The following NLRP7 variants were observed in gnomAD, a reference collection of about 807,000 sequenced individuals.
NLRP7 encodes NACHT, LRR and PYD domains-containing protein 7.
NLRP7 carries 72 observed loss-of-function variants against 85.5 expected under a neutral mutation model. That is an observed-to-expected ratio of 0.84 (90% CI 0.70 to 1.02). The LOEUF (loss-of-function observed/expected upper bound fraction) is 1.02, where lower values mean the gene tolerates loss of function less well. Among genes scored for constraint, NLRP7 ranks in the 50% least tolerant of loss-of-function variants. The pLI, the probability that NLRP7 is intolerant of heterozygous loss-of-function variation, is 0.00. For synonymous variants in NLRP7, 550 were observed against 505.2 expected (o/e 1.09, Z -1.19); for missense variants, 1,243 against 1,219.5 (o/e 1.02, Z -0.29).
chr19:54,953,932 G>A (rs887784882), intron 1 of NLRP7, among the ~76,000 whole-genome samples: 18 of 151,724 alleles, frequency 1.2e-4, no homozygotes, highest in African/African-American at 4.1e-4. Flanking sequence ...GCGTGAACCC[G>A]GGTGATGGAG....
chr19:54,941,403 A>AAAG, intron 2 of NLRP7, 32 bp downstream of exon 2: 1 of 1,386,552 alleles, frequency 7.2e-7, no homozygotes, highest in African/African-American at 1.5e-5. Flanking sequence ...AAAAAAAAAA[A>AAAG]AAATGACCAG....
upstream of NLRP7, among the ~76,000 whole-genome samples, chr19:54,950,889 G>C (rs573087185): frequency 1.6e-4 from 24 of 152,310 alleles, no homozygotes; most frequent in East Asian, 4.4e-3. Flanking sequence ...CATATTTCAG[G>C]CTATCACATG....
intron 9 of NLRP7, among the ~76,000 whole-genome samples, 193 bp downstream of exon 10, chr19:54,927,412 G>T (rs1313734358): frequency 6.6e-6 from 1 of 150,540 alleles, no homozygotes; most frequent in Non-Finnish European, 1.5e-5. Flanking sequence ...AAAAAAATTA[G>T]CTGGACATGT....
upstream of NLRP7, among the ~76,000 whole-genome samples, chr19:54,952,059 AC>A (rs1337373432): frequency 6.6e-6 from 1 of 152,058 alleles, no homozygotes; most frequent in Non-Finnish European, 1.5e-5. Flanking sequence ...GCCCCATTAG[AC>A]AAATTTGTAT....
chr19:54,933,173 T>G (rs995535996), intron 8 of NLRP7, among the ~76,000 whole-genome samples: 1 of 151,818 alleles, frequency 6.6e-6, no homozygotes, highest in Non-Finnish European at 1.5e-5. Context: ...TGAGAAGGAG[T>G]CTTGTTCTGT....
chr19:54,959,131 TTTTC>T (rs2069949821), intron 1 of NLRP7, among the ~76,000 whole-genome samples: 3 of 150,414 alleles, frequency 2.0e-5, no homozygotes, highest in African/African-American at 2.4e-5. Context: ...TTCCTTGTTT[TTTTC>T]TTTTTCTTTT....
chr19:54,927,920 C>A, intron 9 of NLRP7, 145 bp from the exon 10 acceptor site: 1 of 744,160 alleles, frequency 1.3e-6, no homozygotes, highest in Non-Finnish European at 2.4e-6. Context: ...GGTCAAACCC[C>A]ATCTCTACTA....
rs1246578265 is a variant in NLRP7 at position 54,934,604 on chromosome 19, T to C, written c.2356A>G (p.Lys786Glu). The change falls in exon 7 of 10, where the codon AAA becomes GAA. Residue 786 changes from lysine to glutamate, a missense_variant. Transcript: ENST00000340844. The surrounding 1 kb of genome is among the most constrained non-coding windows in gnomAD (Gnocchi z 6.7). ...AGGTGCTTCAGGGACTGGTTGGCTTTGAGGACATAGAAGAATTCAGCCCAC... is the reference window on the plus strand; with the variant it reads ...AGGTGCTTCAGGGACTGGTTGGCTTCGAGGACATAGAAGAATTCAGCCCAC... 5 of 1,613,992 alleles carry C rather than the reference T, an allele frequency of 3.1e-6. No individual in the cohort carries two copies. Among genetic ancestry groups the C allele is most frequent in the Non-Finnish European group, 4.2e-6 (5 of 1,180,008 alleles).
intron 1 of NLRP7, among the ~76,000 whole-genome samples, chr19:54,943,008 G>A (rs2069299930): frequency 1.3e-5 from 2 of 152,030 alleles, no homozygotes; most frequent in South Asian, 4.2e-4. Context: ...CTAGCCAAGT[G>A]TAGTGGTAGG....
intron 2 of NLRP7, 56 bp from the exon 3 acceptor site, chr19:54,941,061 C>T: frequency 8.0e-7 from 1 of 1,251,924 alleles, no homozygotes; most frequent in Non-Finnish European, 1.2e-6. Flanking sequence ...GTAAATCAGA[C>T]ATTATTGTAC....
At chr19:54,946,336 C>T (rs1463816852) in intron 1 of NLRP7, among the ~76,000 whole-genome samples, 8 of 151,324 alleles carry the variant, frequency 5.3e-5, no homozygotes, top group Admixed American at 2.0e-4. Flanking sequence ...CTCAGCCTCC[C>T]GAGTAGCTGG....
intron 1 of NLRP7, among the ~76,000 whole-genome samples, chr19:54,942,249 C>A (rs1462481065): frequency 8.6e-6 from 1 of 116,220 alleles, no homozygotes; most frequent in Non-Finnish European, 1.7e-5. Flanking sequence ...GAGCGAGACT[C>A]CGTCTCAAAA....
chr19:54,933,521 C>T (rs375851195), intron 8 of NLRP7, 48 bp downstream of exon 8: 1 of 1,601,688 alleles, frequency 6.2e-7, no homozygotes, highest in South Asian at 1.1e-5. Flanking sequence ...TCATGTCTCT[C>T]CTGCTTGAAT....
upstream of NLRP7, among the ~76,000 whole-genome samples, chr19:54,952,356 G>A (rs756134366): frequency 6.6e-6 from 1 of 151,952 alleles, no homozygotes; most frequent in Non-Finnish European, 1.5e-5. Flanking sequence ...ACTTTGGGAG[G>A]CCAAGGCAGG....
intron 1 of NLRP7, among the ~76,000 whole-genome samples, chr19:54,962,550 C>T (rs905774764): frequency 1.3e-5 from 2 of 151,564 alleles, no homozygotes; most frequent in African/African-American, 2.4e-5. Context: ...GGATTACAGG[C>T]ATGAATCACC....
chr19:54,953,875 C>T (rs1384445305), intron 1 of NLRP7, among the ~76,000 whole-genome samples: 2 of 151,096 alleles, frequency 1.3e-5, no homozygotes, highest in African/African-American at 4.9e-5. Flanking sequence ...GGCGTGGTGG[C>T]GGGCGCCTGT....
upstream of NLRP7, among the ~76,000 whole-genome samples, chr19:54,949,427 A>C (rs1449243858): frequency 2.0e-5 from 3 of 152,142 alleles, no homozygotes; most frequent in Admixed American, 1.3e-4. Context: ...AAAGAAAATA[A>C]AAACAATAAA....
intron 1 of NLRP7, among the ~76,000 whole-genome samples, chr19:54,943,505 G>A (rs867799803): frequency 4.0e-5 from 6 of 151,576 alleles, no homozygotes; most frequent in Admixed American, 6.6e-5. Flanking sequence ...GGAGGCTGAG[G>A]CAGGAGAATG....
rs1276947848 is a variant in NLRP7, at chr19:54,963,308, A to G, written c.-77+2732T>C. Among the ~76,000 whole-genome samples, 4 of 152,190 alleles carry G rather than the reference A, an allele frequency of 2.6e-5. 1 individual carries two copies. Among genetic ancestry groups the G allele is most frequent in the African/African-American group, 9.6e-5 (4 of 41,468 alleles). On this transcript the variant is annotated intron_variant, in intron 1 of 2. Transcript: ENST00000587103. ...CAGTAAGCTATGATTGTGCCACTGC[A>G]CACCAGCCTAGGCGACAGAGTGAGA...
Sources: allele counts gnomAD v4.1 joint callset (sites outside exome capture counted in the v4.1 genomes callset), GRCh38; gene constraint gnomAD v4.1.1; non-coding constraint Gnocchi (gnomAD v3.1); transcripts MANE v1.5; gene names NCBI Gene and HGNC (gene_info 2026-07-23, HGNC 2026-07-21).